Variants in UNC80 observed in about 807,000 individuals in gnomAD.
UNC80 encodes the protein protein unc-80 homolog.
In UNC80, 164 loss-of-function variants were observed where a neutral mutation model predicts 384.6. The ratio of observed to expected loss-of-function variants is 0.43; its 90% confidence interval spans 0.38 to 0.49. The LOEUF (loss-of-function observed/expected upper bound fraction) is 0.49. Among genes scored for constraint, UNC80 ranks in the 20% least tolerant of loss-of-function variants. UNC80 has a pLI of 0.00. For synonymous variants in UNC80, 1,486 were observed against 1,527.8 expected (o/e 0.97, Z 0.64); for missense variants, 3,330 against 4,143.0 (o/e 0.80, Z 5.39).
At position 209,893,092 on chromosome 2, in the gene UNC80, A is replaced by AG. The variant is rs538959309; in HGVS notation, c.4277-1070dup. Among the ~76,000 whole-genome samples, 250 of 152,334 alleles carry AG rather than the reference A, an allele frequency of 1.6e-3. 1 individual carries two copies. Among genetic ancestry groups the AG allele is most frequent in the African/African-American group, 5.8e-3 (241 of 41,580 alleles). On this transcript the variant is annotated intron_variant, in intron 26 of 64. Transcript: ENST00000673920. ...ATTTAGCTAATGTTTTCGTTATACA[A>AG]GTTCTATCACAGTCACATTAACTCT... is the stretch of plus-strand genomic sequence containing the variant.
chr2:209,955,107 TGGGGA>T (rs1429506114), intron 48 of UNC80, among the ~76,000 whole-genome samples: 7 of 152,140 alleles, frequency 4.6e-5, no homozygotes, highest in African/African-American at 1.7e-4. Context: ...AGGATAGGGA[TGGGGA>T]AGCCTTCTTC....
intron 61 of UNC80, among the ~76,000 whole-genome samples, chr2:209,991,585 C>A (rs1372731486): frequency 6.6e-6 from 1 of 152,222 alleles, no homozygotes; most frequent in Non-Finnish European, 1.5e-5. Context: ...ACTTTGCCAG[C>A]CTTTTAAATC....
chr2:209,839,525 C>T lies in UNC80; in HGVS notation c.3250+95C>T. ...TGCATAGTAGGGCCGAAAAAGAAGA[C>T]CTTCAAGTCATAAGACCTAGACTGA... On this transcript the variant is annotated intron_variant, in intron 19 of 64. Transcript: ENST00000673920. The surrounding 1 kb of genome is among the most constrained non-coding windows in gnomAD (Gnocchi z 4.1). The T allele has an allele frequency of 1.5e-6, 2 of 1,307,134 alleles. No homozygotes were observed. Among genetic ancestry groups the T allele is most frequent in the Non-Finnish European group, 2.1e-6 (2 of 940,866 alleles). 81.0% of individuals were successfully genotyped at this position (1,307,134 alleles called of 1,614,324 possible).
rs751914332 is a variant in UNC80 at position 209,997,280 on chromosome 2, TATC to T, written c.*1688_*1690del. On this transcript the variant is annotated 3_prime_UTR_variant, in exon 65 of 65. Transcript: ENST00000673920. ...TTTACTCTTTTATGTTTTACAATATTATCATGTTATTTACAGTTAATGCTGAAA... is the reference window on the plus strand; with the variant it reads ...TTTACTCTTTTATGTTTTACAATATTATGTTATTTACAGTTAATGCTGAAA... The T allele has an allele frequency of 6.6e-6, 1 of 152,180 alleles. No individual in the cohort carries two copies. The highest frequency in any genetic ancestry group is 1.5e-5 in the Non-Finnish European group (1 of 68,014). 9.4% of individuals were successfully genotyped at this position (152,180 alleles called of 1,614,324 possible).
At chr2:209,800,237 C>T (rs1477071157) in intron 7 of UNC80, among the ~76,000 whole-genome samples, 1 of 152,128 alleles carries the variant, frequency 6.6e-6, no homozygotes, top group Non-Finnish European at 1.5e-5. Context: ...AATTTCAGAG[C>T]TTGCTATTGG....
At chr2:209,936,308 C>T (rs2091241410) in intron 40 of UNC80, among the ~76,000 whole-genome samples, 1 of 152,198 alleles carries the variant, frequency 6.6e-6, no homozygotes, top group African/African-American at 2.4e-5. Context: ...GATAAGACTT[C>T]TCTAGTCTCA....
At chr2:209,814,052 C>A (rs2079552147) in intron 8 of UNC80, among the ~76,000 whole-genome samples, 1 of 152,152 alleles carries the variant, frequency 6.6e-6, no homozygotes, top group Non-Finnish European at 1.5e-5. Flanking sequence ...ACCTCTTGCA[C>A]ATGCTAATTT....
chr2:209,914,312 A>G (rs2089274775), intron 31 of UNC80, among the ~76,000 whole-genome samples: 1 of 152,228 alleles, frequency 6.6e-6, no homozygotes, highest in Non-Finnish European at 1.5e-5. Context: ...TATGTGAGTA[A>G]TGTTCTGTGT....
chr2:209,978,597 A>G lies in UNC80; in HGVS notation c.9007A>G (p.Thr3003Ala). 2 of 1,551,526 alleles carry G rather than the reference A, an allele frequency of 1.3e-6. No homozygotes were observed. Among genetic ancestry groups the G allele is most frequent in the Non-Finnish European group, 1.7e-6 (2 of 1,146,860 alleles). The change falls in exon 59 of 65, where the codon ACC becomes GCC. Residue 3003 changes from threonine (T) to alanine (A), a missense_variant. This residue lies in a region of UNC80 where 216 missense variants were observed against 245.3 expected (regional missense o/e 0.88). Coordinates refer to ENST00000673920, the MANE Select transcript of UNC80 (RefSeq NM_001371986.1). ...CTCTGCTTACCGCCTGAGCTTGGCC[A>G]CCATGTCCCGCTCTAACACGGGCAC... Reference protein sequence around the residue: ...STSAYRLSLATMSRSNTGTGT... With the variant: ...STSAYRLSLAAMSRSNTGTGT...
intron 19 of UNC80, among the ~76,000 whole-genome samples, chr2:209,840,069 A>T (rs1004577445): frequency 1.3e-5 from 2 of 152,170 alleles, no homozygotes; most frequent in Admixed American, 1.3e-4. Context: ...TGGGATGTTG[A>T]ACAGGAGAGT....
chr2:209,852,942 T>C (rs948788287), intron 22 of UNC80, among the ~76,000 whole-genome samples: 1 of 152,058 alleles, frequency 6.6e-6, no homozygotes, highest in African/African-American at 2.4e-5. Flanking sequence ...TAGATGTAAA[T>C]ATAGAAATAA....
At position 209,783,886 on chromosome 2, in the gene UNC80, A is replaced by G. The variant is rs561216600; in HGVS notation, c.601-2180A>G. ...ATTTCCTGCTTCTACATACAATACC[A>G]TGCAGACCTCCTCGTGTCCATTTCA... is the stretch of plus-strand genomic sequence containing the variant. On this transcript the variant is annotated intron_variant, in intron 4 of 64. Transcript: ENST00000673920. 1.7e-3 allele frequency among the ~76,000 whole-genome samples: 259 copies of G among 152,308 alleles called. 1 individual carries two copies. The highest frequency in any genetic ancestry group is 5.9e-3 in the African/African-American group (245 of 41,582).
chr2:209,843,109 G>A (rs112179540), intron 21 of UNC80, among the ~76,000 whole-genome samples: 2,057 of 152,116 alleles, frequency 0.014, 49 homozygotes, highest in African/African-American at 0.045. Context: ...TTTTCCTTAT[G>A]TGGAAGTGTC....
chr2:209,866,937 A>G (rs531721829), intron 22 of UNC80, among the ~76,000 whole-genome samples: 38 of 152,308 alleles, frequency 2.5e-4, no homozygotes, highest in African/African-American at 8.4e-4. Flanking sequence ...GTGCACATTT[A>G]TGGAATACTT....
intron 59 of UNC80, among the ~76,000 whole-genome samples, chr2:209,980,874 G>A (rs1260490085): frequency 6.6e-6 from 1 of 152,126 alleles, no homozygotes; most frequent in Non-Finnish European, 1.5e-5. Context: ...TAATCAATAG[G>A]ATTTGGGAAA....
intron 4 of UNC80, among the ~76,000 whole-genome samples, chr2:209,779,655 A>G (rs952037809): frequency 1.3e-5 from 2 of 152,208 alleles, no homozygotes; most frequent in African/African-American, 4.8e-5. Context: ...GAGACTCTCA[A>G]TAAATATTTA....
chr2:209,937,003 C>A, intron 41 of UNC80, 70 bp downstream of exon 41: 2 of 1,096,278 alleles, frequency 1.8e-6, no homozygotes, highest in Admixed American at 2.0e-5. Context: ...GAGGGTGGCT[C>A]ACAGTCAGGG....
intron 61 of UNC80, among the ~76,000 whole-genome samples, chr2:209,990,421 A>G (rs527586199): frequency 2.6e-5 from 4 of 152,302 alleles, no homozygotes; most frequent in South Asian, 4.1e-4. Flanking sequence ...TTGTACATCA[A>G]CTAACTTCTT....
chr2:209,835,687 G>T lies in UNC80; in HGVS notation c.3041+677G>T, dbSNP rs145739920. On this transcript the variant is annotated intron_variant, in intron 18 of 64. Coordinates refer to ENST00000673920, the MANE Select transcript of UNC80 (RefSeq NM_001371986.1). ...TAATCCACAAGTGGAGTGTAAACAT[G>T]TACTTCGTTTTAGGTATACCATTCT... 6.4e-3 allele frequency among the ~76,000 whole-genome samples: 968 copies of T among 152,268 alleles called. 2 individuals are homozygous for T. Among genetic ancestry groups the T allele is most frequent in the Non-Finnish European group, 0.011 (769 of 68,000 alleles).
Sources: gnomAD v4.1 joint callset for allele counts (sites outside exome capture counted in the v4.1 genomes callset) on GRCh38, gnomAD v4.1.1 for gene constraint, gnomAD v4.1.1 regional missense constraint, Gnocchi (gnomAD v3.1) non-coding constraint, MANE v1.5 for transcripts, NCBI Gene and HGNC (gene_info 2026-07-23, HGNC 2026-07-21) for gene names.